Variants in FAS observed in about 807,000 individuals in gnomAD.
FAS encodes the protein Fas cell surface death receptor, also known as tumor necrosis factor receptor superfamily member 6.
Under a neutral mutation model 33.2 loss-of-function variants are expected in FAS, and 5 were observed. The observed-to-expected ratio is 0.15, with a 90% CI of 0.08 to 0.32. FAS has a LOEUF of 0.32. Ranked by LOEUF, FAS falls within the 10% of genes least tolerant of loss-of-function variation. FAS has a pLI of 1.00. For synonymous variants in FAS, 131 were observed against 130.7 expected, an observed-to-expected ratio of 1.00 and a Z score of -0.01; for missense variants, 339 against 386.0, an observed-to-expected ratio of 0.88 and a Z score of 1.02.
chr10:89,008,795 G>A lies in FAS; in HGVS notation c.335-94G>A, dbSNP rs1422627672. ...TGCTGTGACTGTTGATATAAGCAGT[G>A]GATCTCAAAAATCCATGCAGCTCCT... is the stretch of plus-strand genomic sequence containing the variant. On this transcript the variant is annotated intron_variant, in intron 3 of 8. Coordinates refer to ENST00000652046, the MANE Select transcript of FAS (RefSeq NM_000043.6). The A allele has an allele frequency of 2.6e-5, 28 of 1,097,732 alleles. No homozygotes were observed. The East Asian group carries it at 6.1e-4, about 24-fold the overall frequency. The allele number at this position is 1,097,732 out of a possible 1,614,324, so 68.0% of individuals were successfully genotyped here. A position where few individuals can be genotyped will look rare whatever the true frequency, so the allele number is the denominator to read the frequency against.
At position 88,964,317 on chromosome 10, in the gene FAS, A is replaced by G. The variant is rs1207448314; in HGVS notation, n.95-8865A>G. Among the ~76,000 whole-genome samples the G allele has an allele frequency of 2.0e-5, 3 of 152,200 alleles. No individual in the cohort carries two copies. The East Asian group carries it at 5.8e-4, about 29-fold the overall frequency. ...ATGGGAGATACCCAGGGAATGAGCA[A>G]TTCTCAAAGAAGTGGCTTAGAACTC... On this transcript the variant is annotated intron_variant and non_coding_transcript_variant, in intron 1 of 3. Transcript: ENST00000688239.
rs574338716 is a variant in FAS, at chr10:89,008,986, C to A, written c.432C>A (p.Asp144Glu). 10 of 1,613,060 alleles carry A rather than the reference C, an allele frequency of 6.2e-6. No homozygotes were observed. The East Asian group carries it at 6.7e-5, about 11-fold the overall frequency. Reference sequence around the variant, plus strand: ...ACTCTACTGTATGTGAACACTGTGACCCTTGCACCAAGTAAGTTTTAGTCT... The same window carrying A: ...ACTCTACTGTATGTGAACACTGTGAACCTTGCACCAAGTAAGTTTTAGTCT... ...FCNSTVCEHC[D>E]PCTKCEHGII... Residue 144 changes from aspartate (D) to glutamate (E), a missense_variant, in exon 4 of 9, where the codon GAC becomes GAA. Physicochemically the swap from Asp to Glu is conservative, Grantham distance 45. Transcript: ENST00000652046.
At chr10:88,998,319 G>T (rs1424588525) in intron 1 of FAS, among the ~76,000 whole-genome samples, 1 of 142,618 alleles carries the variant, frequency 7.0e-6, no homozygotes, top group Admixed American at 7.2e-5. Context: ...CTGTCTACAA[G>T]CTTTATATAG....
rs2119446736 is a variant in FAS, at chr10:89,014,284, G to A, written c.842G>A (p.Trp281Ter). 6.2e-7 allele frequency: 1 copy of A among 1,613,856 alleles called. No homozygotes were observed. Among genetic ancestry groups the A allele is most frequent in the Non-Finnish European group, 8.5e-7 (1 of 1,179,912 alleles). Residue 281 changes from tryptophan (W) to a stop codon, truncating the protein, a stop_gained, in exon 9 of 9, where the codon TGG (tryptophan) becomes TAG (stop). Transcript: ENST00000652046. LOFTEE classifies it low-confidence loss of function (END_TRUNC). The stretch of plus-strand genomic sequence containing the variant: ...CAGAAAGTTCAACTGCTTCGTAATT[G>A]GCATCAACTTCATGGAAAGAAAGAA... ...AEQKVQLLRN[W>*]HQLHGKKEAY...
upstream of FAS, among the ~76,000 whole-genome samples, chr10:88,985,877 G>T (rs745321646): frequency 6.6e-6 from 1 of 152,202 alleles, no homozygotes; most frequent in Non-Finnish European, 1.5e-5. Flanking sequence ...CTTTCCAGAA[G>T]TATAATGCCC....
chr10:88,976,862 A>G (rs573102469), intron 2 of FAS, among the ~76,000 whole-genome samples: 4 of 152,340 alleles, frequency 2.6e-5, no homozygotes, highest in South Asian at 4.1e-4. Context: ...ATTAAATATT[A>G]TTAGAGCTTC....
chr10:89,011,588 T>C (rs1235485839), intron 6 of FAS, among the ~76,000 whole-genome samples: 1 of 152,230 alleles, frequency 6.6e-6, no homozygotes, highest in Admixed American at 6.5e-5. Context: ...CATACACCTA[T>C]TGAGTATGTA....
At chr10:88,972,754 A>C (rs997604618) in intron 1 of FAS, among the ~76,000 whole-genome samples, 4 of 152,216 alleles carry the variant, frequency 2.6e-5, no homozygotes, top group African/African-American at 9.6e-5. Context: ...TATAAGCCTC[A>C]TACAATGGTA....
chr10:88,984,829 C>T (rs185277627), upstream of FAS, among the ~76,000 whole-genome samples: 258 of 152,252 alleles, frequency 1.7e-3, no homozygotes, highest in African/African-American at 5.6e-3. Context: ...TAATGGGAGA[C>T]CATGGGAGGG....
intron 3 of FAS, among the ~76,000 whole-genome samples, chr10:89,008,061 A>C (rs1458407780): frequency 6.6e-6 from 1 of 152,186 alleles, no homozygotes. Context: ...AGAATGAGTA[A>C]ATATGAACCC....
At chr10:88,968,807 A>G (rs967958023) in intron 1 of FAS, among the ~76,000 whole-genome samples, 6 of 152,210 alleles carry the variant, frequency 3.9e-5, no homozygotes, top group South Asian at 2.1e-4. Flanking sequence ...TAATGTGTGC[A>G]TGTTAAAGAG....
At chr10:88,993,962 A>G (rs9658680) in intron 1 of FAS, among the ~76,000 whole-genome samples, 47 of 152,350 alleles carry the variant, frequency 3.1e-4, no homozygotes, top group African/African-American at 1.1e-3. Flanking sequence ...AATTAAATTG[A>G]TAAATGGCAG....
In FAS at chr10:88,990,997, C is replaced by G. The variant is rs1589439985; in HGVS notation, c.30+91C>G. The G allele has an allele frequency of 3.8e-6, 6 of 1,561,816 alleles. No individual in the cohort carries two copies. The East Asian group carries it at 1.1e-4, about 30-fold the overall frequency. Reference sequence around the variant, plus strand: ...CGGGCGCGGGACGCGTGCGGGATTGCGGCGGCAGCGGCGCACGCGGGCACC... The same window carrying G: ...CGGGCGCGGGACGCGTGCGGGATTGGGGCGGCAGCGGCGCACGCGGGCACC... On this transcript the variant is annotated intron_variant, in intron 1 of 8. Transcript: ENST00000652046. This position sits in a 1 kb window ranked among gnomAD's most constrained non-coding sequence, Gnocchi z 4.9.
chr10:89,012,298 T>C (rs1848573523), intron 7 of FAS: 1 of 503,570 alleles, frequency 2.0e-6, no homozygotes, highest in Non-Finnish European at 3.6e-6. Flanking sequence ...CTGCCTCAAC[T>C]GTGACCCTGG....
chr10:89,009,121 A>T (rs1048394279), intron 4 of FAS, 124 bp downstream of exon 4: 1 of 921,318 alleles, frequency 1.1e-6, no homozygotes, highest in African/African-American at 1.6e-5. Flanking sequence ...CCTCCAAGCA[A>T]CTAGATGACT....
intron 6 of FAS, 96 bp downstream of exon 6, chr10:89,010,911 T>C: frequency 2.1e-6 from 3 of 1,406,358 alleles, no homozygotes; most frequent in Non-Finnish European, 3.0e-6. Context: ...GCTACCACTT[T>C]GGTAGATTTA....
At chr10:88,995,759 G>A (rs1048681656) in intron 1 of FAS, among the ~76,000 whole-genome samples, 1 of 152,180 alleles carries the variant, frequency 6.6e-6, no homozygotes, top group Admixed American at 6.5e-5. Context: ...CTGGGAGGTG[G>A]AAGTTGCAGT....
intron 2 of FAS, chr10:88,974,715 T>G (rs536912100): frequency 6.6e-6 from 1 of 152,314 alleles, no homozygotes; most frequent in Non-Finnish European, 1.5e-5. Context: ...GACTTTGGCA[T>G]AGTTCACTTA....
chr10:88,983,431 G>A (rs545961197), upstream of FAS, among the ~76,000 whole-genome samples: 38 of 152,084 alleles, frequency 2.5e-4, no homozygotes, highest in African/African-American at 8.0e-4. Flanking sequence ...TGATGATAAG[G>A]CCACTGAGGT....
Sources: allele counts gnomAD v4.1 joint callset (sites outside exome capture counted in the v4.1 genomes callset), GRCh38; gene constraint gnomAD v4.1.1; non-coding constraint Gnocchi (gnomAD v3.1); transcripts MANE v1.5; gene names NCBI Gene and HGNC (gene_info 2026-07-23, HGNC 2026-07-21).